GPR20: variants seen among roughly 807,000 people sequenced by gnomAD.
The protein encoded by GPR20 is G protein-coupled receptor 20.
For missense variants in GPR20, 494 were observed against 527.4 expected, an observed-to-expected ratio of 0.94 and a Z score of 0.62; for synonymous variants, 241 against 241.9, an observed-to-expected ratio of 1.00 and a Z score of 0.04.
chr8:141,359,496 GC>G (rs1831701753), intron 1 of GPR20, among the ~76,000 whole-genome samples: 1 of 152,192 alleles, frequency 6.6e-6, no homozygotes, highest in Admixed American at 6.5e-5. Context: ...GTCAAGTGCT[GC>G]CCAGGCCTGT....
At position 141,357,783 on chromosome 8, in the gene GPR20, G is replaced by A. The variant is rs1456736771; in HGVS notation, c.141C>T (p.Gly47=). Residue 47 remains glycine, a synonymous_variant, in exon 2 of 2, where the codon GGC becomes GGT. Coordinates refer to ENST00000377741, the MANE Select transcript of GPR20 (RefSeq NM_005293.3). ...LFARLDEELH[G]TFPGLWLALM... ...GCGCCAGCCACAGGCCTGGGAAGGT[G>A]CCATGCAGCTCCTCGTCCAGCCGGG... The A allele has an allele frequency of 1.2e-6, 2 of 1,613,318 alleles. No individual in the cohort carries two copies. The highest frequency in any genetic ancestry group is 1.7e-5 in the Admixed American group (1 of 60,006).
chr8:141,357,895 G>T lies in GPR20; in HGVS notation c.29C>A (p.Ser10Ter). MPSVSPAGP[S>*]AGAVPNATAV... is the part of the protein sequence containing the mutation. ...GGTGGCATTGGGGACTGCCCCGGCCGAGGGCCCCGCTGGAGACACAGAGGG... is the reference window on the plus strand; with the variant it reads ...GGTGGCATTGGGGACTGCCCCGGCCTAGGGCCCCGCTGGAGACACAGAGGG... Residue 10 changes from serine (S) to a stop codon, truncating the protein, a stop_gained, in exon 2 of 2, where the codon TCG becomes TAG. Coordinates refer to ENST00000377741, the MANE Select transcript of GPR20 (RefSeq NM_005293.3). LOFTEE classifies it low-confidence loss of function (END_TRUNC). 1 of 1,582,688 alleles carries T rather than the reference G, an allele frequency of 6.3e-7. No homozygotes were observed. The highest frequency in any genetic ancestry group is 2.3e-5 in the East Asian group (1 of 43,194).
chr8:141,366,644 G>A (rs1831817842), intron 1 of GPR20, among the ~76,000 whole-genome samples: 1 of 152,188 alleles, frequency 6.6e-6, no homozygotes, highest in African/African-American at 2.4e-5. Flanking sequence ...GCTGTGGGAT[G>A]GCAGGACGGG....
Position 141,357,608 on chromosome 8 carries a change from G to T in GPR20, c.316C>A (p.Leu106Met). 6.2e-7 allele frequency: 1 copy of T among 1,614,012 alleles called. No individual in the cohort carries two copies. The highest frequency in any genetic ancestry group is 8.5e-7 in the Non-Finnish European group (1 of 1,180,028). Residue 106 changes from leucine (L) to methionine (M), a missense_variant, in exon 2 of 2, where the codon CTG becomes ATG. Transcript: ENST00000377741. ...TAGTACACAGCGAAGCGCGTGGGCAGGGACAGCCCTACCAGTAGATCGGTC... is the reference window on the plus strand; with the variant it reads ...TAGTACACAGCGAAGCGCGTGGGCATGGACAGCCCTACCAGTAGATCGGTC... ...VVTDLLVGLS[L>M]PTRFAVYYGA...
intron 1 of GPR20, among the ~76,000 whole-genome samples, chr8:141,362,749 A>C (rs1229210471): frequency 6.9e-6 from 1 of 145,830 alleles, no homozygotes; most frequent in South Asian, 2.2e-4. Context: ...ATTCCTTCCC[A>C]CCCTCTATCT....
Position 141,363,033 on chromosome 8 carries a change from G to A in GPR20, c.-25+4168C>T, listed in dbSNP as rs189391835. Among the ~76,000 whole-genome samples, 152 of 152,158 alleles carry A rather than the reference G, an allele frequency of 1.0e-3. 1 individual carries two copies. The highest frequency in any genetic ancestry group is 3.4e-3 in the Middle Eastern group (1 of 292). On this transcript the variant is annotated intron_variant, in intron 1 of 1. Coordinates refer to ENST00000377741, the MANE Select transcript of GPR20 (RefSeq NM_005293.3). ...CTCCCAAACTACTGGGATTACAGGC[G>A]TGAGCTACTGCGCCCGGCCCCATCA... is the stretch of plus-strand genomic sequence containing the variant.
chr8:141,357,302 G>A lies in GPR20; in HGVS notation c.622C>T (p.Pro208Ser). ...GTAAACACGCTGATGACCAGCAGGG[G>A]CAGCAGGAACTCCAGGACAGTCAGC... ...FALTVLEFLL[P>S]LLVISVFTGR... Residue 208 changes from proline to serine, a missense_variant, in exon 2 of 2, where the codon CCC becomes TCC. Physicochemically the swap from Pro to Ser is moderately conservative, Grantham distance 74 (BLOSUM62 -1). Coordinates refer to ENST00000377741, the MANE Select transcript of GPR20 (RefSeq NM_005293.3). 6.5e-7 allele frequency: 1 copy of A among 1,542,258 alleles called. No individual in the cohort carries two copies. Among genetic ancestry groups the A allele is most frequent in the Non-Finnish European group, 8.7e-7 (1 of 1,148,866 alleles).
intron 1 of GPR20, 63 bp from the exon 2 acceptor site, chr8:141,358,010 C>T: frequency 1.2e-6 from 1 of 806,960 alleles, no homozygotes; most frequent in African/African-American, 1.7e-5. Context: ...GCCCTGAGGC[C>T]CAGAACTCAG....
chr8:141,363,364 G>T (rs1831767793), intron 1 of GPR20, among the ~76,000 whole-genome samples: 1 of 152,252 alleles, frequency 6.6e-6, no homozygotes, highest in Admixed American at 6.5e-5. Context: ...GGGCCAACAC[G>T]TGTGCTCAGT....
At position 141,357,179 on chromosome 8, in the gene GPR20, T is replaced by C. The variant is rs573286165; in HGVS notation, c.745A>G (p.Ile249Val). 3.2e-5 allele frequency: 52 copies of C among 1,601,210 alleles called. No individual in the cohort carries two copies. The Admixed American group carries it at 8.4e-4, about 26-fold the overall frequency. Residue 249 changes from isoleucine (I) to valine (V), a missense_variant, in exon 2 of 2, where the codon ATC (isoleucine) becomes GTC (valine). Coordinates refer to ENST00000377741, the MANE Select transcript of GPR20 (RefSeq NM_005293.3). The stretch of plus-strand genomic sequence containing the variant: ...AAGGGCGTGAAGCAGACGAGAAAGA[T>C]GATGAGCACCGTGAGCAGGAGCTGC... ...AMQLLLTVLI[I>V]FLVCFTPFHA... is the part of the protein sequence containing the mutation.
intron 1 of GPR20, among the ~76,000 whole-genome samples, chr8:141,362,392 G>A (rs7008035): frequency 0.02 from 3,116 of 152,296 alleles, 112 homozygotes; most frequent in African/African-American, 0.071. Flanking sequence ...ATCTTGAGGC[G>A]GGGCTGTGGG....
intron 1 of GPR20, among the ~76,000 whole-genome samples, chr8:141,358,538 G>A (rs1304668555): frequency 6.6e-6 from 1 of 152,212 alleles, no homozygotes; most frequent in East Asian, 1.9e-4. Context: ...TTCATGGTGG[G>A]GACCTCTGAC....
Position 141,357,414 on chromosome 8 carries a change from C to T in GPR20, c.510G>A (p.Val170=), listed in dbSNP as rs1167822573. The T allele has an allele frequency of 9.4e-6, 15 of 1,603,786 alleles. No homozygotes were observed. Among genetic ancestry groups the T allele is most frequent in the Non-Finnish European group, 1.3e-5 (15 of 1,176,600 alleles). The change falls in exon 2 of 2, where the codon GTG becomes GTA. Residue 170 remains valine (V), a synonymous_variant. Coordinates refer to ENST00000377741, the MANE Select transcript of GPR20 (RefSeq NM_005293.3). ...RCRQPACARA[V]CAFVWLAAGA... The stretch of plus-strand genomic sequence containing the variant: ...CGGCGGCCAGCCACACGAAGGCGCA[C>T]ACGGCCCTGGCACAGGCAGGCTGGC...
Position 141,357,415 on chromosome 8 carries a change from A to C in GPR20, c.509T>G (p.Val170Gly). The change falls in exon 2 of 2, where the codon GTG becomes GGG. Residue 170 changes from valine (V) to glycine (G), a missense_variant. Val to Gly is a moderately radical substitution (Grantham distance 109). Transcript: ENST00000377741. ...GGCGGCCAGCCACACGAAGGCGCAC[A>C]CGGCCCTGGCACAGGCAGGCTGGCG... is the stretch of plus-strand genomic sequence containing the variant. Reference protein sequence around the residue: ...RCRQPACARAVCAFVWLAAGA... With the variant: ...RCRQPACARAGCAFVWLAAGA... The C allele has an allele frequency of 6.2e-7, 1 of 1,604,492 alleles. No individual in the cohort carries two copies. The highest frequency in any genetic ancestry group is 8.5e-7 in the Non-Finnish European group (1 of 1,176,832).
rs201855453 is a variant in GPR20 at position 141,356,978 on chromosome 8, C to G, written c.946G>C (p.Gly316Arg). The change falls in exon 2 of 2, where the codon GGA (glycine) becomes CGA (arginine). Residue 316 changes from glycine to arginine, a missense_variant. Coordinates refer to ENST00000377741, the MANE Select transcript of GPR20 (RefSeq NM_005293.3). ...ATVRGLFGQH[G>R]EREPSSGDVV... ...TCACCGCTGCTGGGCTCACGCTCTC[C>G]GTGCTGGCCGAAGAGGCCTCGGACG... The G allele has an allele frequency of 1.2e-6, 2 of 1,613,174 alleles. No homozygotes were observed. The highest frequency in any genetic ancestry group is 1.1e-5 in the South Asian group (1 of 91,088).
rs918038717 is a variant in GPR20 at position 141,364,875 on chromosome 8, G to A, written c.-25+2326C>T. Among the ~76,000 whole-genome samples the A allele has an allele frequency of 7.8e-4, 118 of 152,082 alleles. 1 individual carries two copies. Among genetic ancestry groups the A allele is most frequent in the African/African-American group, 2.8e-3 (115 of 41,398 alleles). ...AGCCCCTCCTTTCCTCCCCATCACC[G>A]AGTTCATTGCTCACCTCTAGCTGGG... On this transcript the variant is annotated intron_variant, in intron 1 of 1. Transcript: ENST00000377741.
At chr8:141,364,409 C>T (rs988045827) in intron 1 of GPR20, among the ~76,000 whole-genome samples, 2 of 152,242 alleles carry the variant, frequency 1.3e-5, no homozygotes, top group Non-Finnish European at 1.5e-5. Context: ...GCCTCCGTTT[C>T]TTCCACCAAG....
At position 141,356,638 on chromosome 8, in the gene GPR20, G is replaced by A. The variant is rs1276599361; in HGVS notation, c.*209C>T. On this transcript the variant is annotated 3_prime_UTR_variant, in exon 2 of 2. Coordinates refer to ENST00000377741, the MANE Select transcript of GPR20 (RefSeq NM_005293.3). ...TATACCCCAGGAACAGCAAATCACC[G>A]GCATTCAGGCCACCACATCCCATCG... 12 of 496,672 alleles carry A rather than the reference G, an allele frequency of 2.4e-5. No homozygotes were observed. The highest frequency in any genetic ancestry group is 1.9e-4 in the East Asian group (6 of 32,042). The allele number at this position is 496,672 out of a possible 1,614,324, so 30.8% of individuals were successfully genotyped here. A position where few individuals can be genotyped will look rare whatever the true frequency, so the allele number is the denominator to read the frequency against.
chr8:141,366,289 G>T (rs890051188), intron 1 of GPR20, among the ~76,000 whole-genome samples: 2 of 152,210 alleles, frequency 1.3e-5, no homozygotes, highest in Non-Finnish European at 2.9e-5. Context: ...ATGAGTCCTG[G>T]GGGGAGAGGG....
Sources: gnomAD v4.1 joint callset for allele counts (sites outside exome capture counted in the v4.1 genomes callset) on GRCh38, gnomAD v4.1.1 for gene constraint, MANE v1.5 for transcripts, NCBI Gene and HGNC (gene_info 2026-07-23, HGNC 2026-07-21) for gene names.